The following FAM78B variants were observed in gnomAD, a reference collection of about 807,000 sequenced individuals.
FAM78B encodes family with sequence similarity 78 member B.
In FAM78B, 10 loss-of-function variants were observed where a neutral mutation model predicts 20.0. That is an observed-to-expected ratio of 0.50 (90% confidence interval 0.31 to 0.85). The LOEUF (loss-of-function observed/expected upper bound fraction) is 0.85. FAM78B is among the 40% of genes least tolerant of loss of function. The probability of loss-of-function intolerance (pLI) is 0.05; values close to 1 mark genes in which losing one functional copy is unlikely to be tolerated. For missense variants in FAM78B, 283 were observed against 345.0 expected (o/e 0.82, Z 1.42); for synonymous variants, 135 against 132.8 (o/e 1.02, Z -0.12).
chr1:166,121,245 TG>T (rs1654455200), intron 1 of FAM78B, among the ~76,000 whole-genome samples: 1 of 152,140 alleles, frequency 6.6e-6, no homozygotes. Flanking sequence ...CATATGGTCC[TG>T]GGGACTTCAG....
Position 166,071,296 on chromosome 1 carries a change from C to T in FAM78B, c.264-533G>A, listed in dbSNP as rs1044669365. ...CAAAGAGGGTTGTTTAAATTCTAGGCATCAGCCAATTCATCGCTTAGGCAT... is the reference window on the plus strand; with the variant it reads ...CAAAGAGGGTTGTTTAAATTCTAGGTATCAGCCAATTCATCGCTTAGGCAT... On this transcript the variant is annotated intron_variant, in intron 1 of 1. Coordinates refer to ENST00000354422, the MANE Select transcript of FAM78B (RefSeq NM_001017961.5). Among the ~76,000 whole-genome samples the T allele has an allele frequency of 2.6e-5, 4 of 152,174 alleles. No individual in the cohort carries two copies. The East Asian group carries it at 7.7e-4, about 29-fold the overall frequency.
intron 1 of FAM78B, among the ~76,000 whole-genome samples, chr1:166,136,151 T>C (rs76869155): frequency 0.024 from 3,692 of 152,272 alleles, 230 homozygotes; most frequent in Admixed American, 0.13. Flanking sequence ...TGCTTGTCTG[T>C]GGGACCAGCT....
rs181584163 is a variant in FAM78B at position 166,093,189 on chromosome 1, T to C, written c.264-22426A>G. On this transcript the variant is annotated intron_variant, in intron 1 of 1. Coordinates refer to ENST00000354422, the MANE Select transcript of FAM78B (RefSeq NM_001017961.5). ...CCTGTTTTATGTTTTTTCAAATATATATCTCTCCAGCTTCTCAAAGTGGGG... is the reference window on the plus strand; with the variant it reads ...CCTGTTTTATGTTTTTTCAAATATACATCTCTCCAGCTTCTCAAAGTGGGG... 7.7e-4 allele frequency among the ~76,000 whole-genome samples: 118 copies of C among 152,298 alleles called. 1 individual carries two copies. Among genetic ancestry groups the C allele is most frequent in the Admixed American group, 3.9e-3 (59 of 15,300 alleles).
At chr1:166,098,168 T>C (rs1012287614) in intron 1 of FAM78B, among the ~76,000 whole-genome samples, 4 of 151,892 alleles carry the variant, frequency 2.6e-5, no homozygotes, top group Non-Finnish European at 5.9e-5. Flanking sequence ...GCCACATCCA[T>C]AGGAAAAGGG....
chr1:166,119,561 G>A (rs1571179958), intron 1 of FAM78B, among the ~76,000 whole-genome samples: 1 of 152,176 alleles, frequency 6.6e-6, no homozygotes, highest in East Asian at 1.9e-4. Flanking sequence ...GTCCAGGAGA[G>A]TATCAGTTGA....
intron 1 of FAM78B, among the ~76,000 whole-genome samples, chr1:166,123,277 C>T (rs1195718843): frequency 1.3e-5 from 2 of 152,342 alleles, no homozygotes; most frequent in Admixed American, 6.5e-5. Context: ...CCAGGCTGGG[C>T]TTCATAGATG....
chr1:166,165,117 C>G (rs941604795), intron 1 of FAM78B: 5 of 152,240 alleles, frequency 3.3e-5, no homozygotes, highest in African/African-American at 9.6e-5. Context: ...CGCGCACCAA[C>G]CGGCGCTGCT....
intron 1 of FAM78B, among the ~76,000 whole-genome samples, chr1:166,142,213 T>G (rs1655306203): frequency 6.6e-6 from 1 of 152,168 alleles, no homozygotes; most frequent in Non-Finnish European, 1.5e-5. Context: ...AGTGGAGGGT[T>G]AGACTGCACT....
intron 1 of FAM78B, among the ~76,000 whole-genome samples, chr1:166,085,552 G>T (rs1652795833): frequency 1.3e-5 from 2 of 152,324 alleles, no homozygotes; most frequent in African/African-American, 4.8e-5. Flanking sequence ...GATCAATCAG[G>T]AGTTACTAGA....
At chr1:166,058,040 C>T (rs4657510) in exon 3 of FAM78B, 105,931 of 151,418 alleles carry the variant, frequency 0.7, 37,228 homozygotes, top group East Asian at 0.83. Context: ...ATAATGTAGG[C>T]AAGTGTGCTT....
downstream of FAM78B, among the ~76,000 whole-genome samples, chr1:166,064,406 G>A (rs751260133): frequency 1.8e-4 from 28 of 152,052 alleles, no homozygotes; most frequent in Admixed American, 3.9e-4. Flanking sequence ...TTCCTGGCTG[G>A]CTTCTCTAGG....
intron 1 of FAM78B, among the ~76,000 whole-genome samples, chr1:166,109,904 A>ATATG (rs1410606173): frequency 4.9e-5 from 4 of 81,274 alleles, no homozygotes; most frequent in Admixed American, 3.0e-4. Flanking sequence ...ATATATATAT[A>ATATG]TATATATATA....
intron 1 of FAM78B, among the ~76,000 whole-genome samples, chr1:166,152,655 G>GATTGATTGATTTATTTATTT (rs369101683): frequency 5.0e-5 from 7 of 140,474 alleles, no homozygotes; most frequent in African/African-American, 2.0e-4. Flanking sequence ...TGGTACTCTG[G>GATTGATTGATTTATTTATTT]ATTTATTTAT....
chr1:166,138,262 C>T (rs1038349056), intron 1 of FAM78B, among the ~76,000 whole-genome samples: 4 of 152,118 alleles, frequency 2.6e-5, no homozygotes, highest in African/African-American at 9.7e-5. Flanking sequence ...CCCCAACTCT[C>T]CTGTTCTCTG....
chr1:166,103,202 G>A (rs984825558), intron 1 of FAM78B, among the ~76,000 whole-genome samples: 3 of 152,298 alleles, frequency 2.0e-5, no homozygotes, highest in African/African-American at 7.2e-5. Context: ...CACATTTAAA[G>A]CAGTGTGTAG....
rs187329611 is a variant in FAM78B, at chr1:166,084,557, A to C, written c.264-13794T>G. ...AAGAGTTATGGTTTCAGAAAAGAGA[A>C]ATATAGTGGTTATTCCCAAGGGATG... On this transcript the variant is annotated intron_variant, in intron 1 of 1. Transcript: ENST00000354422. Among the ~76,000 whole-genome samples, 141 of 152,294 alleles carry C rather than the reference A, an allele frequency of 9.3e-4. 1 individual carries two copies. The highest frequency in any genetic ancestry group is 3.3e-3 in the African/African-American group (137 of 41,540).
At chr1:166,139,465 G>T (rs980155646) in intron 1 of FAM78B, among the ~76,000 whole-genome samples, 2 of 152,144 alleles carry the variant, frequency 1.3e-5, no homozygotes, top group Non-Finnish European at 2.9e-5. Context: ...GATACTTACA[G>T]TCTAGTGGAG....
intron 1 of FAM78B, among the ~76,000 whole-genome samples, chr1:166,085,709 T>G (rs370709806): frequency 4.1e-4 from 62 of 152,308 alleles, no homozygotes; most frequent in African/African-American, 1.5e-3. Flanking sequence ...AGTGACCCCA[T>G]GACAAGTGAC....
chr1:166,089,501 G>A (rs1053307142), intron 1 of FAM78B, among the ~76,000 whole-genome samples: 3 of 152,088 alleles, frequency 2.0e-5, no homozygotes, highest in Non-Finnish European at 4.4e-5. Flanking sequence ...CAGGGAAAAA[G>A]CAGAGGGCTC....
Sources: gnomAD v4.1 joint callset for allele counts (sites outside exome capture counted in the v4.1 genomes callset) on GRCh38, gnomAD v4.1.1 for gene constraint, MANE v1.5 for transcripts, NCBI Gene and HGNC (gene_info 2026-07-23, HGNC 2026-07-21) for gene names.